GNA12: variants seen among roughly 807,000 people sequenced by gnomAD.
GNA12 encodes guanine nucleotide-binding protein subunit alpha-12.
Under a neutral mutation model 26.0 loss-of-function variants are expected in GNA12, and 9 were observed. The ratio of observed to expected loss-of-function variants is 0.35; its 90% CI spans 0.21 to 0.60. GNA12 has a LOEUF of 0.60. Ranked by LOEUF, GNA12 falls within the 20% of genes least tolerant of loss-of-function variation. The pLI is 0.78. For synonymous variants in GNA12, 264 were observed against 219.6 expected (o/e 1.20, Z -1.79); for missense variants, 405 against 525.8 (o/e 0.77, Z 2.25).
chr7:2,740,417 A>T (rs770100242), intron 2 of GNA12, among the ~76,000 whole-genome samples: 24 of 152,194 alleles, frequency 1.6e-4, no homozygotes, highest in Non-Finnish European at 2.2e-4. Context: ...ACCAGGACAC[A>T]GTGAGAAGCT....
At chr7:2,837,163 G>A (rs577563431) in intron 1 of GNA12, among the ~76,000 whole-genome samples, 119 of 151,908 alleles carry the variant, frequency 7.8e-4, no homozygotes, top group Middle Eastern at 3.4e-3. Flanking sequence ...GGTGTCAGCA[G>A]GGCCCAGTGG....
At chr7:2,761,549 A>T (rs1177273694) in intron 2 of GNA12, among the ~76,000 whole-genome samples, 3 of 152,262 alleles carry the variant, frequency 2.0e-5, no homozygotes, top group Non-Finnish European at 2.9e-5. Flanking sequence ...ATCGCCCTCC[A>T]GAATTGTCAC....
intron 2 of GNA12, among the ~76,000 whole-genome samples, chr7:2,737,289 G>GTTTTT (rs11389467): frequency 3.4e-4 from 21 of 62,300 alleles, no homozygotes; most frequent in African/African-American, 1.0e-3. Flanking sequence ...TTTTTTTTTT[G>GTTTTT]TTTTTTTTTT....
At chr7:2,838,892 A>C (rs1404007179) in intron 1 of GNA12, among the ~76,000 whole-genome samples, 2 of 152,236 alleles carry the variant, frequency 1.3e-5, no homozygotes, top group African/African-American at 4.8e-5. Context: ...AAAATACAGG[A>C]AACAAAAACT....
At chr7:2,832,685 T>C (rs1396334840) in intron 1 of GNA12, among the ~76,000 whole-genome samples, 2 of 152,104 alleles carry the variant, frequency 1.3e-5, no homozygotes, top group Non-Finnish European at 2.9e-5. Context: ...TGTGACAAAG[T>C]TGGTGCTGTG....
intron 2 of GNA12, among the ~76,000 whole-genome samples, chr7:2,749,664 T>C (rs1387917913): frequency 6.6e-6 from 1 of 151,202 alleles, no homozygotes; most frequent in Non-Finnish European, 1.5e-5. Context: ...AGTATAATAA[T>C]AATAAAATAA....
At chr7:2,732,594 G>A (rs1020491730) in intron 3 of GNA12, among the ~76,000 whole-genome samples, 3 of 152,072 alleles carry the variant, frequency 2.0e-5, no homozygotes, top group South Asian at 2.1e-4. Context: ...AACACCTCCC[G>A]TGATGAGTGC....
intron 1 of GNA12, among the ~76,000 whole-genome samples, chr7:2,837,189 C>T (rs553605105): frequency 6.6e-6 from 1 of 151,306 alleles, no homozygotes; most frequent in Non-Finnish European, 1.5e-5. Flanking sequence ...TGCACCCCCA[C>T]CACGAGGCAG....
intron 1 of GNA12, chr7:2,836,052 G>T: frequency 3.9e-6 from 1 of 257,444 alleles, no homozygotes; most frequent in Non-Finnish European, 8.2e-6. Flanking sequence ...AAAAAAATTT[G>T]TTTAATAAAC....
rs1230633606 is a variant in GNA12 at position 2,729,345 on chromosome 7, C to A, written c.*1836G>T. 1 of 152,376 alleles carries A rather than the reference C, an allele frequency of 6.6e-6. No individual in the cohort carries two copies. Among genetic ancestry groups the A allele is most frequent in the Non-Finnish European group, 1.5e-5 (1 of 68,072 alleles). The allele number at this position is 152,376 out of a possible 1,614,324, so 9.4% of individuals were successfully genotyped here. On this transcript the variant is annotated 3_prime_UTR_variant, in exon 4 of 4. Coordinates refer to ENST00000275364, the MANE Select transcript of GNA12 (RefSeq NM_007353.3). ...GGGCCCCACCAGGAGCTCTCTTTCTCCTTTAAAACGTGGTCATCGGCACTC... is the reference window on the plus strand; with the variant it reads ...GGGCCCCACCAGGAGCTCTCTTTCTACTTTAAAACGTGGTCATCGGCACTC...
intron 2 of GNA12, chr7:2,762,282 C>A: frequency 4.1e-6 from 1 of 244,272 alleles, no homozygotes; most frequent in South Asian, 1.6e-4. Flanking sequence ...AGAAGGTGCA[C>A]ATGGCGGGGC....
In GNA12 at chr7:2,730,975, C is replaced by T; in HGVS notation, c.*206G>A. On this transcript the variant is annotated 3_prime_UTR_variant, in exon 4 of 4. Coordinates refer to ENST00000275364, the MANE Select transcript of GNA12 (RefSeq NM_007353.3). ...GATTTTCAGTAGTTTCACTCGCCCC[C>T]AGGATTCAGTAGCTAACGTGACAGT... 1.9e-6 allele frequency: 1 copy of T among 535,184 alleles called. No homozygotes were observed. The highest frequency in any genetic ancestry group is 3.3e-6 in the Non-Finnish European group (1 of 298,622). 33.2% of individuals were successfully genotyped at this position (535,184 alleles called of 1,614,324 possible).
At chr7:2,769,495 C>G (rs530479765) in intron 2 of GNA12, among the ~76,000 whole-genome samples, 1 of 151,760 alleles carries the variant, frequency 6.6e-6, no homozygotes, top group Non-Finnish European at 1.5e-5. Context: ...CTTTGGGAGG[C>G]CGAGGTCGGC....
chr7:2,796,979 G>T (rs999273891), intron 1 of GNA12, among the ~76,000 whole-genome samples: 3 of 152,160 alleles, frequency 2.0e-5, no homozygotes, highest in African/African-American at 7.2e-5. Context: ...GTCTACACTG[G>T]GGGTATACAG....
intron 2 of GNA12, among the ~76,000 whole-genome samples, chr7:2,776,569 G>T (rs953709088): frequency 1.3e-5 from 2 of 152,214 alleles, no homozygotes; most frequent in Admixed American, 1.3e-4. Flanking sequence ...CTGTTTTGTG[G>T]ATCAGGGAAA....
At chr7:2,838,330 G>C (rs901741704) in intron 1 of GNA12, among the ~76,000 whole-genome samples, 1 of 150,344 alleles carries the variant, frequency 6.7e-6, no homozygotes, top group Non-Finnish European at 1.5e-5. Flanking sequence ...CTATAATCTC[G>C]GCACTTTGGC....
At chr7:2,744,411 T>A (rs1242731256) in intron 2 of GNA12, among the ~76,000 whole-genome samples, 1 of 152,118 alleles carries the variant, frequency 6.6e-6, no homozygotes, top group East Asian at 1.9e-4. Context: ...GCAAACAGGG[T>A]CTGGAGTGGA....
intron 1 of GNA12, among the ~76,000 whole-genome samples, chr7:2,797,015 A>G (rs1013232379): frequency 6.6e-6 from 1 of 152,232 alleles, no homozygotes; most frequent in Non-Finnish European, 1.5e-5. Flanking sequence ...TGAGAAGGCT[A>G]TCAAGTACAC....
chr7:2,777,506 G>C (rs1166969070), intron 2 of GNA12, among the ~76,000 whole-genome samples: 1 of 152,202 alleles, frequency 6.6e-6, no homozygotes, highest in Non-Finnish European at 1.5e-5. Context: ...GGTATCTGGA[G>C]GTGGGGTCTT....
Sources: gnomAD v4.1 joint callset for allele counts (sites outside exome capture counted in the v4.1 genomes callset) on GRCh38, gnomAD v4.1.1 for gene constraint, MANE v1.5 for transcripts, NCBI Gene and HGNC (gene_info 2026-07-23, HGNC 2026-07-21) for gene names.